The following CSTPP1 variants were observed in gnomAD, a reference collection of about 807,000 sequenced individuals.
The protein encoded by CSTPP1 is UPF0705 protein C11orf49.
At chr11:47,081,900 G>A in the CSTPP1 span, among the ~76,000 whole-genome samples, 1 of 151,478 alleles carries the variant, frequency 6.6e-6, no homozygotes, top group Non-Finnish European at 1.5e-5. Flanking sequence ...AGACTAGCCT[G>A]GGCAATGTAA....
At chr11:46,991,045 G>T in the CSTPP1 span, among the ~76,000 whole-genome samples, 1 of 152,108 alleles carries the variant, frequency 6.6e-6, no homozygotes, top group Non-Finnish European at 1.5e-5. Flanking sequence ...ATGTGCTAGA[G>T]AAATACATAT....
chr11:47,158,037 C>A, the CSTPP1 span: 2 of 907,252 alleles, frequency 2.2e-6, no homozygotes, highest in Admixed American at 2.0e-5. Flanking sequence ...TCTGCCTTGA[C>A]TTCCCAGGGC....
At chr11:47,029,131 C>T in the CSTPP1 span, among the ~76,000 whole-genome samples, 3 of 152,098 alleles carry the variant, frequency 2.0e-5, no homozygotes, top group Admixed American at 2.0e-4. Flanking sequence ...AAGTGTGAGC[C>T]ACTGCACCCA....
chr11:46,967,634 G>A, the CSTPP1 span, among the ~76,000 whole-genome samples: 5 of 151,912 alleles, frequency 3.3e-5, no homozygotes, highest in Non-Finnish European at 7.4e-5. Flanking sequence ...TAGACTCTTA[G>A]GAGGATTAAA....
the CSTPP1 span, among the ~76,000 whole-genome samples, chr11:47,072,728 A>G: frequency 6.6e-6 from 1 of 152,226 alleles, no homozygotes; most frequent in Non-Finnish European, 1.5e-5. Context: ...TTATAATTAC[A>G]ATAGATGTGA....
the CSTPP1 span, among the ~76,000 whole-genome samples, chr11:46,990,179 G>T: frequency 6.6e-6 from 1 of 152,194 alleles, no homozygotes; most frequent in East Asian, 1.9e-4. Flanking sequence ...GAGTCAAATT[G>T]TAGCTCTGTT....
chr11:47,041,426 G>A, the CSTPP1 span: 1 of 274,320 alleles, frequency 3.6e-6, no homozygotes, highest in Admixed American at 5.1e-5. Flanking sequence ...CAGCACGTCT[G>A]TGTTCATGTC....
At chr11:46,948,387 A>C in the CSTPP1 span, among the ~76,000 whole-genome samples, 1 of 152,224 alleles carries the variant, frequency 6.6e-6, no homozygotes, top group Non-Finnish European at 1.5e-5. Context: ...TGTCATATGG[A>C]AGGAATTGCC....
At chr11:47,077,144 A>C in the CSTPP1 span, among the ~76,000 whole-genome samples, 1 of 151,188 alleles carries the variant, frequency 6.6e-6, no homozygotes, top group Non-Finnish European at 1.5e-5. Flanking sequence ...ATTATTTTCA[A>C]CCTAGAATTC....
the CSTPP1 span, among the ~76,000 whole-genome samples, chr11:47,007,676 T>C: frequency 6.6e-6 from 1 of 152,142 alleles, no homozygotes; most frequent in Non-Finnish European, 1.5e-5. Flanking sequence ...TTTTCTCTAG[T>C]TGAGTTATGT....
At chr11:47,043,906 T>C in the CSTPP1 span, among the ~76,000 whole-genome samples, 3 of 152,210 alleles carry the variant, frequency 2.0e-5, no homozygotes, top group Admixed American at 6.5e-5. Flanking sequence ...TTATTATCTT[T>C]AAATTATTCA....
the CSTPP1 span, among the ~76,000 whole-genome samples, chr11:47,051,138 A>G: frequency 6.6e-6 from 1 of 152,112 alleles, no homozygotes; most frequent in South Asian, 2.1e-4. Context: ...ACAAATGAAA[A>G]CTGGCATTTG....
the CSTPP1 span, among the ~76,000 whole-genome samples, chr11:47,096,409 G>C: frequency 6.6e-6 from 1 of 152,088 alleles, no homozygotes; most frequent in African/African-American, 2.4e-5. Flanking sequence ...CTCTGAATTT[G>C]CCTGTTCTAG....
the CSTPP1 span, among the ~76,000 whole-genome samples, chr11:47,123,980 C>G: frequency 6.6e-6 from 1 of 151,922 alleles, no homozygotes; most frequent in Non-Finnish European, 1.5e-5. Context: ...TATGCGCTAC[C>G]CAGTCTTTGT....
the CSTPP1 span, among the ~76,000 whole-genome samples, chr11:46,941,205 C>T: frequency 6.6e-6 from 1 of 152,234 alleles, no homozygotes; most frequent in African/African-American, 2.4e-5. Context: ...TGGTCACACC[C>T]CTCACTGCCT....
chr11:47,024,632 A>G, the CSTPP1 span, among the ~76,000 whole-genome samples: 1 of 152,314 alleles, frequency 6.6e-6, no homozygotes, highest in Non-Finnish European at 1.5e-5. Context: ...GGTTTATATC[A>G]CAGAGAAAGT....
At chr11:47,040,408 C>G in the CSTPP1 span, among the ~76,000 whole-genome samples, 1 of 126,612 alleles carries the variant, frequency 7.9e-6, no homozygotes, top group Non-Finnish European at 1.9e-5. Flanking sequence ...ACTTCTACAC[C>G]CACCAGGAGA....
chr11:47,096,185 A>G, the CSTPP1 span, among the ~76,000 whole-genome samples: 20 of 152,186 alleles, frequency 1.3e-4, no homozygotes, highest in Non-Finnish European at 2.2e-4. Flanking sequence ...TAAGACACCA[A>G]TTTTTTTATT....
chr11:46,976,241 CAG>C, the CSTPP1 span, among the ~76,000 whole-genome samples: 2 of 152,086 alleles, frequency 1.3e-5, no homozygotes, highest in African/African-American at 4.8e-5. Context: ...TAGCTTTAAT[CAG>C]ATTCTTATTG....
Sources: allele counts gnomAD v4.1 joint callset (sites outside exome capture counted in the v4.1 genomes callset), GRCh38; gene constraint gnomAD v4.1.1; transcripts MANE v1.5; gene names NCBI Gene and HGNC (gene_info 2026-07-23, HGNC 2026-07-21).